DUX4: variants seen among roughly 807,000 people sequenced by gnomAD.
The protein encoded by DUX4 is double homeobox 4.
downstream of DUX4, among the ~76,000 whole-genome samples, chr4:190,176,427 A>G (rs1742307317): frequency 1.8e-5 from 2 of 109,108 alleles, 1 homozygote; most frequent in Non-Finnish European, 4.3e-5. Context: ...GTGCAGAGAT[A>G]CGTGAGAATT....
At chr4:190,182,354 C>CGGGTTT (rs1459251557) in intron 1 of DUX4, among the ~76,000 whole-genome samples, 2,782 of 53,286 alleles carry the variant, frequency 0.052, 8 homozygotes, top group East Asian at 0.11. Flanking sequence ...AGTTTGGATT[C>CGGGTTT]GGGTTCAGGT....
chr4:190,176,415 CA>C (rs1489962861), downstream of DUX4, among the ~76,000 whole-genome samples: 2 of 109,364 alleles, frequency 1.8e-5, 1 homozygote, highest in African/African-American at 5.4e-5. Context: ...CCTTGGGGAT[CA>C]GTGCAGAGAT....
chr4:190,177,878 G>GGCA (rs1742392919), downstream of DUX4, among the ~76,000 whole-genome samples: 14 of 8,614 alleles, frequency 1.6e-3, no homozygotes, highest in Non-Finnish European at 2.3e-3. Flanking sequence ...CAATGTCCCT[G>GGCA]TAGCCATATC....
downstream of DUX4, among the ~76,000 whole-genome samples, chr4:190,176,805 G>T (rs1579832024): frequency 4.6e-5 from 6 of 130,392 alleles, no homozygotes; most frequent in African/African-American, 1.0e-4. Flanking sequence ...CTAGACAAGA[G>T]TTGAATCACC....
chr4:190,178,192 T>A (rs1742408787), downstream of DUX4, among the ~76,000 whole-genome samples: 6 of 152,082 alleles, frequency 3.9e-5, no homozygotes, highest in African/African-American at 7.2e-5. Flanking sequence ...ACCTGGGTGA[T>A]CAGTGCAGAG....
In DUX4 at chr4:190,181,321, A is replaced by ATG. The variant is rs1742564761; in HGVS notation, n.93-4019_93-4018insGT. Among the ~76,000 whole-genome samples the ATG allele has an allele frequency of 4.3e-4, 15 of 34,754 alleles. 4 individuals carry two copies. The highest frequency in any genetic ancestry group is 6.7e-4 in the African/African-American group (7 of 10,518). 22.8% of individuals were successfully genotyped at this position (34,754 alleles called of 152,430 possible). On this transcript the variant is annotated intron_variant and non_coding_transcript_variant, in intron 1 of 2. Transcript: ENST00000563716. ...TAGGCAGAGCCTAAAGAAGAGTCCC[A>ATG]TCCCCTGGGTGATCTCTGCAAAGAT...
At chr4:190,178,672 T>TGAGTGCAGAGATATGTCACAAAG (rs1742441379), downstream of DUX4, among the ~76,000 whole-genome samples, 1 of 152,236 alleles carries the variant, frequency 6.6e-6, no homozygotes, top group African/African-American at 2.4e-5. Context: ...ACCTAAGTGA[T>TGAGTGCAGAGATATGTCACAAAG]CAGTGCAGAG....
At chr4:190,177,043 T>A (rs1742338167), downstream of DUX4, among the ~76,000 whole-genome samples, 6 of 151,852 alleles carry the variant, frequency 4.0e-5, no homozygotes, top group East Asian at 1.9e-4. Flanking sequence ...TGCAGAGATA[T>A]GTCACAAATC....
At chr4:190,178,463 T>TCAATAGTTGAATCACATGGG (rs1742427215), downstream of DUX4, among the ~76,000 whole-genome samples, 2 of 79,312 alleles carry the variant, frequency 2.5e-5, no homozygotes, top group Non-Finnish European at 5.3e-5. Flanking sequence ...CATCACCTAG[T>TCAATAGTTGAATCACATGGG]TGATCAGTGC....
downstream of DUX4, among the ~76,000 whole-genome samples, chr4:190,176,797 A>G (rs1579832009): frequency 7.6e-6 from 1 of 130,784 alleles, no homozygotes; most frequent in Non-Finnish European, 1.7e-5. Flanking sequence ...GGCAGTGCCT[A>G]GACAAGAGTT....
downstream of DUX4, among the ~76,000 whole-genome samples, chr4:190,176,771 AC>A (rs1365317531): frequency 1.7e-5 from 2 of 116,788 alleles, no homozygotes; most frequent in African/African-American, 5.4e-5. Context: ...AGAGATATGT[AC>A]CAGTGTCCCC....
intron 1 of DUX4, chr4:190,182,325 G>C (rs1742611066): frequency 9.6e-6 from 1 of 104,638 alleles, no homozygotes; most frequent in South Asian, 3.6e-4. Context: ...CTTAGGGTAA[G>C]GCTTAGGGTT....
intron 1 of DUX4, among the ~76,000 whole-genome samples, chr4:190,181,643 G>A (rs1742588399): frequency 3.1e-3 from 414 of 133,826 alleles, no homozygotes; most frequent in Non-Finnish European, 4.1e-3. Flanking sequence ...CCTGTAGGCA[G>A]AGCCTAGACA....
chr4:190,178,885 A>ACATT (rs1415331305), downstream of DUX4, among the ~76,000 whole-genome samples: 23 of 99,522 alleles, frequency 2.3e-4, 2 homozygotes, highest in South Asian at 3.4e-4. Flanking sequence ...ATCAGTGCAG[A>ACATT]TCTATGTCAC....
chr4:190,178,886 T>TTTGTCA (rs1742460293), downstream of DUX4, among the ~76,000 whole-genome samples: 1 of 68,242 alleles, frequency 1.5e-5, no homozygotes, highest in Non-Finnish European at 2.8e-5. Flanking sequence ...TCAGTGCAGA[T>TTTGTCA]CTATGTCACA....
At chr4:190,179,478 CACCTGG>C (rs1742496713), downstream of DUX4, among the ~76,000 whole-genome samples, 8 of 151,218 alleles carry the variant, frequency 5.3e-5, no homozygotes, top group South Asian at 4.2e-4. Context: ...AGAGTTATAT[CACCTGG>C]GTGATCAGTG....
At chr4:190,179,603 A>T (rs1579835758), downstream of DUX4, among the ~76,000 whole-genome samples, 12 of 152,020 alleles carry the variant, frequency 7.9e-5, no homozygotes, top group Non-Finnish European at 8.8e-5. Flanking sequence ...AGCCTAGACA[A>T]AAGTTACAGC....
chr4:190,178,885 A>ATT (rs1742460164), downstream of DUX4, among the ~76,000 whole-genome samples: 1 of 99,480 alleles, frequency 1.0e-5, no homozygotes, highest in Admixed American at 1.1e-4. Flanking sequence ...ATCAGTGCAG[A>ATT]TCTATGTCAC....
chr4:190,182,048 GCA>G (rs1742601219), intron 1 of DUX4: 2 of 115,056 alleles, frequency 1.7e-5, no homozygotes, highest in Admixed American at 2.1e-4. Flanking sequence ...GCCCCCATAG[GCA>G]GAGCCTAGAC....
Sources: gnomAD v4.1 joint callset for allele counts (sites outside exome capture counted in the v4.1 genomes callset) on GRCh38, gnomAD v4.1.1 for gene constraint, MANE v1.5 for transcripts, NCBI Gene and HGNC (gene_info 2026-07-23, HGNC 2026-07-21) for gene names.